B3GALT1: variants seen among roughly 807,000 people sequenced by gnomAD.
The protein encoded by B3GALT1 is UDP-Gal:betaGlcNAc beta 1,3-galactosyltransferase, polypeptide 1.
Under a neutral mutation model 23.2 loss-of-function variants are expected in B3GALT1, and 10 were observed. The observed-to-expected ratio is 0.43, with a 90% CI of 0.27 to 0.73. B3GALT1 has a LOEUF of 0.73. Ranked by LOEUF, B3GALT1 falls within the 30% of genes least tolerant of loss-of-function variation. B3GALT1 has a pLI of 0.21. For missense variants in B3GALT1, 299 were observed against 405.4 expected (o/e 0.74, Z 2.25); for synonymous variants, 156 against 141.5 (o/e 1.10, Z -0.73).
At chr2:167,831,242 G>T (rs578061852) in intron 4 of B3GALT1, among the ~76,000 whole-genome samples, 1 of 152,060 alleles carries the variant, frequency 6.6e-6, no homozygotes, top group Non-Finnish European at 1.5e-5. Flanking sequence ...TTAATTCAGC[G>T]CTCCCACAGT....
chr2:167,444,307 G>A (rs756972458), intron 1 of B3GALT1, among the ~76,000 whole-genome samples: 12 of 152,168 alleles, frequency 7.9e-5, no homozygotes, highest in Non-Finnish European at 1.6e-4. Flanking sequence ...ATGGTCATCA[G>A]GGATATTGGC....
chr2:167,616,207 G>A (rs1028919635), intron 2 of B3GALT1, among the ~76,000 whole-genome samples: 8 of 152,064 alleles, frequency 5.3e-5, no homozygotes, highest in African/African-American at 1.9e-4. Context: ...TGATTCAAAT[G>A]TTGAATAAAT....
chr2:167,528,989 C>G (rs555113782), intron 2 of B3GALT1, among the ~76,000 whole-genome samples: 6 of 151,994 alleles, frequency 3.9e-5, no homozygotes, highest in Admixed American at 3.9e-4. Flanking sequence ...GTATTGATCC[C>G]GTTTCAATAG....
At chr2:167,769,791 A>G (rs1440167371) in intron 3 of B3GALT1, among the ~76,000 whole-genome samples, 2 of 152,032 alleles carry the variant, frequency 1.3e-5, no homozygotes, top group African/African-American at 2.4e-5. Context: ...GATGTGCCAC[A>G]GTTTATTTAT....
chr2:167,435,403 T>C (rs917607689), intron 1 of B3GALT1, among the ~76,000 whole-genome samples: 1 of 137,332 alleles, frequency 7.3e-6, no homozygotes, highest in African/African-American at 2.9e-5. Flanking sequence ...AAAGCCTTTT[T>C]CTTTAGCGTG....
chr2:167,861,758 T>C (rs903256451), intron 4 of B3GALT1, among the ~76,000 whole-genome samples: 3 of 152,204 alleles, frequency 2.0e-5, no homozygotes, highest in Admixed American at 6.5e-5. Context: ...CTTCTGCCTC[T>C]GTCTCCTAGA....
intron 3 of B3GALT1, among the ~76,000 whole-genome samples, chr2:167,776,479 A>G (rs1688164544): frequency 6.6e-6 from 1 of 152,232 alleles, no homozygotes; most frequent in Non-Finnish European, 1.5e-5. Flanking sequence ...TTTTCTGAGC[A>G]GTAAAGCAGA....
At chr2:167,451,580 C>T (rs1420486574) in intron 1 of B3GALT1, among the ~76,000 whole-genome samples, 1 of 152,278 alleles carries the variant, frequency 6.6e-6, no homozygotes, top group Non-Finnish European at 1.5e-5. Flanking sequence ...GATGTCAGCA[C>T]CCCCTCCGGT....
intron 1 of B3GALT1, among the ~76,000 whole-genome samples, chr2:167,312,974 C>A (rs1431620645): frequency 6.6e-6 from 1 of 152,048 alleles, no homozygotes; most frequent in East Asian, 1.9e-4. Context: ...ATAAAACATA[C>A]CATTACATTA....
chr2:167,766,894 TGTC>T (rs1687986137), intron 3 of B3GALT1, among the ~76,000 whole-genome samples: 1 of 152,180 alleles, frequency 6.6e-6, no homozygotes, highest in African/African-American at 2.4e-5. Flanking sequence ...CAAAAACTGT[TGTC>T]ATGACCTTTT....
intron 1 of B3GALT1, among the ~76,000 whole-genome samples, chr2:167,364,317 A>C (rs1331261502): frequency 6.8e-6 from 1 of 148,068 alleles, no homozygotes; most frequent in Non-Finnish European, 1.5e-5. Flanking sequence ...GTGTTCTCAT[A>C]CTGTTTTCAT....
rs527913834 is a variant in B3GALT1 at position 167,717,755 on chromosome 2, C to T, written c.-352+70789C>T. On this transcript the variant is annotated intron_variant, in intron 3 of 4. Coordinates refer to ENST00000392690, the MANE Select transcript of B3GALT1 (RefSeq NM_020981.4). ...TCTATGCTTCTGAACATTTTTACAA[C>T]TGTTAATATATGATGCCAATTTATT... Among the ~76,000 whole-genome samples, 5 of 152,224 alleles carry T rather than the reference C, an allele frequency of 3.3e-5. No homozygotes were observed. The East Asian group carries it at 9.6e-4, about 29-fold the overall frequency.
At chr2:167,679,627 C>G (rs546065684) in intron 3 of B3GALT1, among the ~76,000 whole-genome samples, 2 of 152,330 alleles carry the variant, frequency 1.3e-5, no homozygotes, top group South Asian at 4.1e-4. Flanking sequence ...TCAGAGCTCC[C>G]AGTAGTTACA....
At chr2:167,640,557 C>CT (rs1685634883) in intron 2 of B3GALT1, among the ~76,000 whole-genome samples, 1 of 149,798 alleles carries the variant, frequency 6.7e-6, no homozygotes, top group Non-Finnish European at 1.5e-5. Context: ...TTTTTTTTTC[C>CT]CCCTCAGAAT....
At chr2:167,591,281 A>T (rs1558917477) in intron 2 of B3GALT1, among the ~76,000 whole-genome samples, 1 of 152,002 alleles carries the variant, frequency 6.6e-6, no homozygotes, top group Non-Finnish European at 1.5e-5. Flanking sequence ...ATCTGGGGGC[A>T]TGCCAAGCAG....
At chr2:167,739,722 T>G (rs1007965794) in intron 3 of B3GALT1, among the ~76,000 whole-genome samples, 2 of 152,130 alleles carry the variant, frequency 1.3e-5, no homozygotes, top group African/African-American at 4.8e-5. Context: ...AGAAGTTCAA[T>G]AAATATTTGT....
intron 4 of B3GALT1, among the ~76,000 whole-genome samples, chr2:167,838,945 G>T (rs1486870476): frequency 6.6e-6 from 1 of 152,180 alleles, no homozygotes; most frequent in East Asian, 1.9e-4. Context: ...TATCTCAATA[G>T]ATGCAGAAAA....
chr2:167,847,645 G>C (rs545941288), intron 4 of B3GALT1, among the ~76,000 whole-genome samples: 1 of 152,126 alleles, frequency 6.6e-6, no homozygotes, highest in South Asian at 2.1e-4. Context: ...GACTGAAAGA[G>C]CACAAACTGA....
At chr2:167,710,058 CA>C (rs891270801) in intron 3 of B3GALT1, among the ~76,000 whole-genome samples, 8 of 152,156 alleles carry the variant, frequency 5.3e-5, no homozygotes, top group African/African-American at 1.7e-4. Flanking sequence ...AAAAATTATT[CA>C]AATAAAGGAA....
Sources: gnomAD v4.1 joint callset for allele counts (sites outside exome capture counted in the v4.1 genomes callset) on GRCh38, gnomAD v4.1.1 for gene constraint, MANE v1.5 for transcripts, NCBI Gene and HGNC (gene_info 2026-07-23, HGNC 2026-07-21) for gene names.